RSPH10B2: variants seen among roughly 807,000 people sequenced by gnomAD.
The protein encoded by RSPH10B2 is radial spoke head 10 homolog B2 (Chlamydomonas).
Under a neutral mutation model 49.0 loss-of-function variants are expected in RSPH10B2, and 9 were observed. The observed-to-expected ratio is 0.18, with a 90% CI of 0.11 to 0.32. RSPH10B2 has a LOEUF of 0.32. Ranked by LOEUF, RSPH10B2 falls within the 10% of genes least tolerant of loss-of-function variation. The pLI, the probability that RSPH10B2 is intolerant of heterozygous loss-of-function variation, is 1.00. For synonymous variants in RSPH10B2, 35 were observed against 210.2 expected, an observed-to-expected ratio of 0.17 and a Z score of 7.21; for missense variants, 95 against 589.9, an observed-to-expected ratio of 0.16 and a Z score of 8.69.
chr7:6,780,781 CTATGGTAT>C lies in RSPH10B2; in HGVS notation c.1530-27_1530-20del. On this transcript the variant is annotated intron_variant, in intron 11 of 18. Coordinates refer to ENST00000297186, the Ensembl canonical transcript of RSPH10B2. The stretch of plus-strand genomic sequence containing the variant: ...GTTCCCTCTTTTGGAGGAGAAGTAA[CTATGGTAT>C]CTTTTGATGATTATCACAGAAAGAG... The C allele has an allele frequency of 7.2e-7, 1 of 1,381,182 alleles. No individual in the cohort carries two copies. The highest frequency in any genetic ancestry group is 9.6e-7 in the Non-Finnish European group (1 of 1,042,388). The allele number at this position is 1,381,182 out of a possible 1,614,324, so 85.6% of individuals were successfully genotyped here.
chr7:6,756,169 C>T (rs1180868078), upstream of RSPH10B2, among the ~76,000 whole-genome samples: 1 of 143,856 alleles, frequency 7.0e-6, no homozygotes, highest in African/African-American at 2.7e-5. Flanking sequence ...ACTCAGGAGG[C>T]TGAGGCAGGA....
At chr7:6,786,392 C>T in intron 14 of RSPH10B2, among the ~76,000 whole-genome samples, 1 of 119,704 alleles carries the variant, frequency 8.4e-6, no homozygotes. Context: ...GACGGAGTTT[C>T]ACCGTGTTAG....
At chr7:6,776,920 C>A (rs868815136) in intron 10 of RSPH10B2, among the ~76,000 whole-genome samples, 1 of 132,916 alleles carries the variant, frequency 7.5e-6, no homozygotes, top group Non-Finnish European at 1.6e-5. Context: ...CACACACACA[C>A]ACACACAAAA....
At position 6,766,958 on chromosome 7, in the gene RSPH10B2, T is replaced by C. The variant is rs978923710; in HGVS notation, c.780+81T>C. 1.8e-4 allele frequency: 218 copies of C among 1,199,986 alleles called. 48 individuals are homozygous for C. The highest frequency in any genetic ancestry group is 1.2e-4 in the Non-Finnish European group (105 of 902,402). 74.3% of individuals were successfully genotyped at this position (1,199,986 alleles called of 1,614,324 possible). On this transcript the variant is annotated intron_variant, in intron 6 of 18. Transcript: ENST00000297186. Reference sequence around the variant, plus strand: ...CAACACATGTATATTTCTTTTTGGGTTTTGTTTTTGTTTTTGTTTTGAGAC... The same window carrying C: ...CAACACATGTATATTTCTTTTTGGGCTTTGTTTTTGTTTTTGTTTTGAGAC...
At chr7:6,755,951 A>C (rs550280654), upstream of RSPH10B2, among the ~76,000 whole-genome samples, 3 of 142,438 alleles carry the variant, frequency 2.1e-5, no homozygotes, top group South Asian at 2.2e-4. Flanking sequence ...AAAAAAAAAA[A>C]AAAAACAAAC....
At chr7:6,756,084 C>T (rs1341225446), upstream of RSPH10B2, among the ~76,000 whole-genome samples, 59 of 150,712 alleles carry the variant, frequency 3.9e-4, no homozygotes, top group African/African-American at 1.2e-3. Context: ...CTGGCTAACC[C>T]GGTGAAACCC....
chr7:6,785,142 C>CGT, intron 13 of RSPH10B2, among the ~76,000 whole-genome samples: 1 of 63,708 alleles, frequency 1.6e-5, no homozygotes, highest in South Asian at 5.8e-4. Flanking sequence ...GAGGTAAATA[C>CGT]GTGTGTGTGT....
intron 18 of RSPH10B2, among the ~76,000 whole-genome samples, chr7:6,797,609 C>G (rs1359114632): frequency 6.6e-6 from 1 of 152,290 alleles, no homozygotes. Flanking sequence ...GCCGGTAACC[C>G]CAGCATTTTG....
At chr7:6,756,186 C>T (rs1325500811), upstream of RSPH10B2, among the ~76,000 whole-genome samples, 87 of 142,900 alleles carry the variant, frequency 6.1e-4, no homozygotes, top group Middle Eastern at 3.5e-3. Flanking sequence ...AGGAGAATGG[C>T]ATGAACCCGG....
rs1781934509 is a variant in RSPH10B2, at chr7:6,781,493, G to A, written c.1758+17G>A. 11 of 1,205,234 alleles carry A rather than the reference G, an allele frequency of 9.1e-6. 2 individuals are homozygous for A. Among genetic ancestry groups the A allele is most frequent in the Non-Finnish European group, 1.2e-5 (11 of 927,626 alleles). 74.7% of individuals were successfully genotyped at this position (1,205,234 alleles called of 1,614,324 possible). The stretch of plus-strand genomic sequence containing the variant: ...ATGCTGAAAGTAACCACCTAAGTTC[G>A]ATATTGGCTTTCTATTTACAGGCAC... On this transcript the variant is annotated intron_variant, in intron 13 of 18. Transcript: ENST00000297186.
chr7:6,793,868 A>G (rs1377520284), intron 17 of RSPH10B2, among the ~76,000 whole-genome samples: 10 of 150,920 alleles, frequency 6.6e-5, no homozygotes, highest in African/African-American at 2.4e-4. Flanking sequence ...AAAAAGGAAA[A>G]TCTCTTCTCC....
chr7:6,793,329 G>T lies in RSPH10B2; in HGVS notation c.2233+1332G>T, dbSNP rs1394645583. On this transcript the variant is annotated intron_variant, in intron 17 of 18. Transcript: ENST00000297186. ...GGCGTCCCAAAGCACTGGGATTACAGGTGTGAGCCACTGCGCCTGGCCCTC... is the reference window on the plus strand; with the variant it reads ...GGCGTCCCAAAGCACTGGGATTACATGTGTGAGCCACTGCGCCTGGCCCTC... Among the ~76,000 whole-genome samples, 10 of 116,818 alleles carry T rather than the reference G, an allele frequency of 8.6e-5. 3 individuals carry two copies. The highest frequency in any genetic ancestry group is 1.5e-4 in the Non-Finnish European group (9 of 58,422). 76.6% of individuals were successfully genotyped at this position (116,818 alleles called of 152,430 possible). A position where few individuals can be genotyped will look rare whatever the true frequency, so the allele number is the denominator to read the frequency against.
intron 3 of RSPH10B2, among the ~76,000 whole-genome samples, chr7:6,763,152 G>A (rs1299755395): frequency 2.7e-4 from 7 of 26,372 alleles, no homozygotes; most frequent in Non-Finnish European, 4.7e-4. Flanking sequence ...AACTAGGCAT[G>A]ATGGCTCATG....
At chr7:6,792,629 A>G (rs1011119086) in intron 17 of RSPH10B2, among the ~76,000 whole-genome samples, 1 of 116,362 alleles carries the variant, frequency 8.6e-6, no homozygotes, top group Non-Finnish European at 1.7e-5. Flanking sequence ...TGAACTTCCA[A>G]CCTCATGCCT....
chr7:6,791,335 C>A lies in RSPH10B2; in HGVS notation c.2140-569C>A, dbSNP rs1248455072. On this transcript the variant is annotated intron_variant, in intron 16 of 18. Transcript: ENST00000297186. Reference sequence around the variant, plus strand: ...TAATTTTATACAATAAATACTGTACCAACAGACCCAGGTGACATTTTCAAG... The same window carrying A: ...TAATTTTATACAATAAATACTGTACAAACAGACCCAGGTGACATTTTCAAG... Among the ~76,000 whole-genome samples, 79 of 142,876 alleles carry A rather than the reference C, an allele frequency of 5.5e-4. 1 individual carries two copies. The highest frequency in any genetic ancestry group is 2.1e-3 in the African/African-American group (77 of 37,198). The allele number at this position is 142,876 out of a possible 152,430, so 93.7% of individuals were successfully genotyped here. A position where few individuals can be genotyped will look rare whatever the true frequency, so the allele number is the denominator to read the frequency against.
chr7:6,755,942 A>AAG, upstream of RSPH10B2, among the ~76,000 whole-genome samples: 1 of 138,446 alleles, frequency 7.2e-6, no homozygotes, highest in South Asian at 2.3e-4. Flanking sequence ...TCTGTCTAAA[A>AAG]AAAAAAAAAA....
intron 12 of RSPH10B2, 33 bp downstream of exon 14, chr7:6,780,921 G>A (rs761538994): frequency 1.1e-5 from 15 of 1,406,984 alleles, no homozygotes; most frequent in East Asian, 5.6e-5. Context: ...TCTATTTACC[G>A]CCCCATTTTT....
rs1782581471 is a variant in RSPH10B2, at chr7:6,796,671, TG to T, written c.2338del (p.Glu780LysfsTer8). 7.9e-7 allele frequency: 1 copy of T among 1,266,974 alleles called. No individual in the cohort carries two copies. Among genetic ancestry groups the T allele is most frequent in the African/African-American group, 2.0e-5 (1 of 50,356 alleles). The allele number at this position is 1,266,974 out of a possible 1,614,324, so 78.5% of individuals were successfully genotyped here. ...ACACGCTCTTTCATGCGTATAAACG[TG>T]AAGAAGCTATCAAGGAGAAAATAAG... On this transcript the variant is annotated frameshift_variant, in exon 18 of 19. Transcript: ENST00000297186. LOFTEE classifies it high-confidence loss of function.
chr7:6,794,071 CA>C (rs1178760250), intron 17 of RSPH10B2: 4 of 107,726 alleles, frequency 3.7e-5, no homozygotes, highest in African/African-American at 1.5e-4. Flanking sequence ...GGGCTGTGTA[CA>C]TACTCACCTT....
Sources: gnomAD v4.1 joint callset for allele counts (sites outside exome capture counted in the v4.1 genomes callset) on GRCh38, gnomAD v4.1.1 for gene constraint, MANE v1.5 for transcripts, NCBI Gene and HGNC (gene_info 2026-07-23, HGNC 2026-07-21) for gene names.